PDIA5: variants seen among roughly 807,000 people sequenced by gnomAD.
PDIA5 encodes protein disulfide isomerase family A member 5.
PDIA5 carries 58 observed loss-of-function variants against 77.6 expected under a neutral mutation model. The ratio of observed to expected loss-of-function variants is 0.75; its 90% CI spans 0.61 to 0.93. The LOEUF (loss-of-function observed/expected upper bound fraction) is 0.93. Ranked by LOEUF, PDIA5 falls within the 40% of genes least tolerant of loss-of-function variation. The pLI is 0.00. For synonymous variants in PDIA5, 250 were observed against 252.1 expected (o/e 0.99, Z 0.08); for missense variants, 630 against 647.7 (o/e 0.97, Z 0.30).
At chr3:123,155,872 A>C (rs1327464737) in intron 15 of PDIA5, among the ~76,000 whole-genome samples, 2 of 152,156 alleles carry the variant, frequency 1.3e-5, no homozygotes, top group East Asian at 3.9e-4. Context: ...GGGCCAGGGC[A>C]GGCTGGAAGG....
At chr3:123,140,928 T>C (rs1935618906) in intron 11 of PDIA5, among the ~76,000 whole-genome samples, 1 of 152,172 alleles carries the variant, frequency 6.6e-6, no homozygotes, top group Non-Finnish European at 1.5e-5. Flanking sequence ...TCACAGCTCC[T>C]CTTCCCAGTG....
At chr3:123,127,106 C>T (rs1935258638) in intron 10 of PDIA5, among the ~76,000 whole-genome samples, 1 of 152,172 alleles carries the variant, frequency 6.6e-6, no homozygotes, top group Admixed American at 6.5e-5. Context: ...TTAGCAAACA[C>T]CAAGTTTTCT....
intron 7 of PDIA5, among the ~76,000 whole-genome samples, chr3:123,113,135 C>A (rs117440699): frequency 2.0e-5 from 3 of 152,216 alleles, no homozygotes; most frequent in African/African-American, 7.2e-5. Context: ...GTCCACACAG[C>A]CCCTAGAGGA....
At chr3:123,067,750 G>C (rs1442019771) in intron 1 of PDIA5, among the ~76,000 whole-genome samples, 7 of 152,220 alleles carry the variant, frequency 4.6e-5, no homozygotes, top group Non-Finnish European at 1.0e-4. Context: ...AGCCCGCCCC[G>C]GCGGAGGAGC....
intron 1 of PDIA5, among the ~76,000 whole-genome samples, chr3:123,079,850 T>A (rs1933950061): frequency 6.6e-6 from 1 of 152,250 alleles, no homozygotes; most frequent in African/African-American, 2.4e-5. Context: ...CAACCTTTTT[T>A]TTTTAAACTG....
At chr3:123,118,102 G>A (rs140542321) in intron 8 of PDIA5, among the ~76,000 whole-genome samples, 128 of 152,276 alleles carry the variant, frequency 8.4e-4, no homozygotes, top group African/African-American at 2.9e-3. Context: ...GCATGGAGAC[G>A]GCCCTGCTCG....
chr3:123,088,316 G>C (rs140659156), intron 1 of PDIA5, among the ~76,000 whole-genome samples: 1,646 of 152,082 alleles, frequency 0.011, 28 homozygotes, highest in African/African-American at 0.038. Context: ...TCCAGTTCCC[G>C]AAGTTTTCCA....
chr3:123,098,302 T>C (rs1006677416), intron 3 of PDIA5, among the ~76,000 whole-genome samples: 6 of 152,118 alleles, frequency 3.9e-5, no homozygotes, highest in African/African-American at 1.4e-4. Flanking sequence ...TAGGCTGGAC[T>C]TGTGAAAGAC....
intron 14 of PDIA5, among the ~76,000 whole-genome samples, chr3:123,154,134 A>T (rs1935969779): frequency 6.6e-6 from 1 of 152,208 alleles, no homozygotes; most frequent in African/African-American, 2.4e-5. Context: ...GCCCCCACAG[A>T]GGTCCCTACC....
chr3:123,079,949 G>T (rs1179393241), intron 1 of PDIA5, among the ~76,000 whole-genome samples: 1 of 151,978 alleles, frequency 6.6e-6, no homozygotes, highest in African/African-American at 2.4e-5. Flanking sequence ...AATAAATTAT[G>T]GTATAAAATA....
chr3:123,067,245 G>A, intron 1 of PDIA5, 39 bp downstream of exon 1: 2 of 1,235,462 alleles, frequency 1.6e-6, no homozygotes, highest in East Asian at 3.2e-5. Context: ...GGGCCAGCAC[G>A]TGTGTCCCGC....
chr3:123,130,359 T>C lies in PDIA5; in HGVS notation c.774-121T>C, dbSNP rs940873725. ...GGGCAGTTTCTGGTTTGTTAAAGGC[T>C]GAGCCCCTGGAGTGGGCCGTCCCGA... On this transcript the variant is annotated intron_variant, in intron 10 of 16. Coordinates refer to ENST00000316218, the MANE Select transcript of PDIA5 (RefSeq NM_006810.4). The C allele has an allele frequency of 1.9e-5, 21 of 1,098,050 alleles. No individual in the cohort carries two copies. The South Asian group carries it at 2.5e-4, about 13-fold the overall frequency. 68.0% of individuals were successfully genotyped at this position (1,098,050 alleles called of 1,614,324 possible). A position where few individuals can be genotyped will look rare whatever the true frequency, so the allele number is the denominator to read the frequency against.
intron 11 of PDIA5, among the ~76,000 whole-genome samples, chr3:123,137,722 A>C (rs1214733914): frequency 6.6e-6 from 1 of 152,120 alleles, no homozygotes; most frequent in Non-Finnish European, 1.5e-5. Flanking sequence ...CATAGCCAAA[A>C]AGTGCAGCCA....
rs768770468 is a variant in PDIA5 at position 123,146,164 on chromosome 3, C to T, written c.1047C>T (p.Ile349=). The stretch of plus-strand genomic sequence containing the variant: ...AGGCCCTGGCAGAAAGATTCCACAT[C>T]TCAGAGTTTCCTACGTTGAAGTATT... The part of the protein sequence containing the change: ...VNKALAERFH[I]SEFPTLKYFK... The change falls in exon 13 of 17, where the codon ATC becomes ATT. Residue 349 remains isoleucine (I), a synonymous_variant. Transcript: ENST00000316218. 2.5e-6 allele frequency: 4 copies of T among 1,614,038 alleles called. No individual in the cohort carries two copies. Among genetic ancestry groups the T allele is most frequent in the Non-Finnish European group, 2.5e-6 (3 of 1,179,844 alleles).
intron 3 of PDIA5, among the ~76,000 whole-genome samples, chr3:123,093,648 C>T (rs1934355544): frequency 6.6e-6 from 1 of 152,144 alleles, no homozygotes; most frequent in Non-Finnish European, 1.5e-5. Context: ...TTTGAGAATA[C>T]GCAGATGGAT....
chr3:123,108,879 CCTT>C (rs548900569), intron 6 of PDIA5, among the ~76,000 whole-genome samples: 2 of 150,052 alleles, frequency 1.3e-5, no homozygotes, highest in Non-Finnish European at 1.5e-5. Context: ...GGGCGAGACT[CCTT>C]CTCAAAAAAA....
intron 1 of PDIA5, among the ~76,000 whole-genome samples, chr3:123,074,094 G>A (rs1933790576): frequency 6.6e-6 from 1 of 152,156 alleles, no homozygotes; most frequent in Admixed American, 6.5e-5. Context: ...AAAGGAAGGT[G>A]GACCAACATC....
intron 1 of PDIA5, among the ~76,000 whole-genome samples, chr3:123,082,792 G>A (rs1934042564): frequency 6.6e-6 from 1 of 152,152 alleles, no homozygotes; most frequent in Non-Finnish European, 1.5e-5. Context: ...ACTCTGCAAG[G>A]TGGGCATTGG....
intron 12 of PDIA5, 127 bp downstream of exon 12, chr3:123,145,719 G>T (rs1256700767): frequency 1.4e-6 from 1 of 713,736 alleles, no homozygotes; most frequent in African/African-American, 1.8e-5. Flanking sequence ...CAGTACCTCT[G>T]TGTGCCCAAG....
Sources: gnomAD v4.1 joint callset for allele counts (sites outside exome capture counted in the v4.1 genomes callset) on GRCh38, gnomAD v4.1.1 for gene constraint, MANE v1.5 for transcripts, NCBI Gene and HGNC (gene_info 2026-07-23, HGNC 2026-07-21) for gene names.